SMAP2: variants seen among roughly 807,000 people sequenced by gnomAD.
SMAP2 encodes small ArfGAP2, also known as stromal membrane-associated protein 2.
SMAP2 carries 25 observed loss-of-function variants against 56.4 expected under a neutral mutation model. The observed-to-expected ratio is 0.44, with a 90% CI of 0.32 to 0.62. The LOEUF is 0.62. SMAP2 is among the 20% of genes least tolerant of loss of function. SMAP2 has a pLI of 0.04. For synonymous variants in SMAP2, 157 were observed against 181.7 expected (o/e 0.86, Z 1.09); for missense variants, 388 against 545.6 (o/e 0.71, Z 2.88).
chr1:40,381,663 G>A (rs1158210914), intron 1 of SMAP2, among the ~76,000 whole-genome samples: 3 of 152,132 alleles, frequency 2.0e-5, no homozygotes, highest in Non-Finnish European at 4.4e-5. Context: ...GAGCTCTGTG[G>A]TTGACTTGCT....
At chr1:40,400,569 G>A (rs1644822485) in intron 1 of SMAP2, among the ~76,000 whole-genome samples, 1 of 152,188 alleles carries the variant, frequency 6.6e-6, no homozygotes, top group Admixed American at 6.5e-5. Flanking sequence ...TGGTGATGTG[G>A]GGGCTGAAGG....
At chr1:40,358,024 A>G (rs1644444394) in intron 1 of SMAP2, among the ~76,000 whole-genome samples, 1 of 151,976 alleles carries the variant, frequency 6.6e-6, no homozygotes, top group Non-Finnish European at 1.5e-5. Context: ...TTTAGGCAAT[A>G]TGAATATTTT....
intron 1 of SMAP2, among the ~76,000 whole-genome samples, chr1:40,395,746 A>C (rs571707127): frequency 6.6e-6 from 1 of 152,184 alleles, no homozygotes; most frequent in East Asian, 1.9e-4. Flanking sequence ...AAGAAGGGCC[A>C]GTTAAATAAC....
At chr1:40,413,206 G>GC in intron 5 of SMAP2, 104 bp downstream of exon 5, 1 of 847,256 alleles carries the variant, frequency 1.2e-6, no homozygotes, top group Non-Finnish European at 2.0e-6. Flanking sequence ...CACCATCACA[G>GC]CTGGGGCTAA....
At chr1:40,420,714 C>T (rs1645033933) in intron 9 of SMAP2, among the ~76,000 whole-genome samples, 1 of 152,128 alleles carries the variant, frequency 6.6e-6, no homozygotes, top group Non-Finnish European at 1.5e-5. Flanking sequence ...CATGTGTCAC[C>T]TCCATAGAAT....
chr1:40,348,777 C>T (rs1391713714), intron 1 of SMAP2, among the ~76,000 whole-genome samples: 1 of 151,850 alleles, frequency 6.6e-6, no homozygotes, highest in East Asian at 1.9e-4. Context: ...TTCTTTCTTT[C>T]TTTCTTTCTT....
chr1:40,362,807 C>T (rs1302740999), intron 2 of SMAP2, among the ~76,000 whole-genome samples: 1 of 152,108 alleles, frequency 6.6e-6, no homozygotes, highest in Admixed American at 6.6e-5. Context: ...GCATTCAACA[C>T]AGGAAAAAGA....
chr1:40,353,476 C>A (rs1312788874), intron 1 of SMAP2, among the ~76,000 whole-genome samples: 1 of 152,194 alleles, frequency 6.6e-6, no homozygotes, highest in Non-Finnish European at 1.5e-5. Context: ...TCAAGTGATT[C>A]TCCTGCCTCA....
intron 1 of SMAP2, among the ~76,000 whole-genome samples, chr1:40,358,564 A>G (rs532262897): frequency 6.6e-6 from 1 of 152,184 alleles, no homozygotes; most frequent in African/African-American, 2.4e-5. Flanking sequence ...AAAACAAAAA[A>G]CACACACAAA....
intron 1 of SMAP2, among the ~76,000 whole-genome samples, chr1:40,380,908 C>T (rs768223447): frequency 1.8e-4 from 28 of 152,238 alleles, no homozygotes; most frequent in African/African-American, 2.4e-4. Context: ...AGTTGTTAAA[C>T]GCCTTTCTCT....
chr1:40,382,914 G>A lies in SMAP2; in HGVS notation c.103+8691G>A, dbSNP rs1569853317. Among the ~76,000 whole-genome samples the A allele has an allele frequency of 3.3e-5, 5 of 152,240 alleles. No homozygotes were observed. The East Asian group carries it at 9.6e-4, about 29-fold the overall frequency. ...TCTGTAAATGTTTTGTTTCATATTA[G>A]AAGAGACCTTTTCTAGGTTATCTGA... On this transcript the variant is annotated intron_variant, in intron 1 of 9. Coordinates refer to ENST00000372718, the MANE Select transcript of SMAP2 (RefSeq NM_022733.3).
At chr1:40,381,097 C>A (rs370090488) in intron 1 of SMAP2, among the ~76,000 whole-genome samples, 2 of 152,266 alleles carry the variant, frequency 1.3e-5, no homozygotes, top group South Asian at 4.1e-4. Context: ...TCTCCTTGCC[C>A]TTTAAATATC....
intron 1 of SMAP2, among the ~76,000 whole-genome samples, chr1:40,377,168 C>T (rs1198485869): frequency 6.6e-6 from 1 of 152,074 alleles, no homozygotes; most frequent in Non-Finnish European, 1.5e-5. Context: ...CATCTGTGGT[C>T]CCAGCTACTC....
chr1:40,415,151 C>A, intron 6 of SMAP2, 121 bp from the exon 7 acceptor site: 1 of 745,130 alleles, frequency 1.3e-6, no homozygotes, highest in South Asian at 1.7e-5. Context: ...CTAGATGGTT[C>A]CAGAAGTCTA....
At chr1:40,372,699 G>A (rs927452008), upstream of SMAP2, among the ~76,000 whole-genome samples, 1 of 152,226 alleles carries the variant, frequency 6.6e-6, no homozygotes, top group South Asian at 2.1e-4. Context: ...TAAAGAAATG[G>A]AGGAGAGGGT....
At chr1:40,391,537 G>A (rs1182632144) in intron 1 of SMAP2, among the ~76,000 whole-genome samples, 2 of 152,128 alleles carry the variant, frequency 1.3e-5, no homozygotes, top group Non-Finnish European at 2.9e-5. Flanking sequence ...GGAAGGCCCT[G>A]GGATTGTGAG....
rs752097215 is a variant in SMAP2 at position 40,409,836 on chromosome 1, G to T, written c.402+1G>T. Reference sequence around the variant, plus strand: ...AAGTCTGGACATCAATGCCTTTAGGGTTGGTTATACATCTTTCAAGTTTTG... The same window carrying T: ...AAGTCTGGACATCAATGCCTTTAGGTTTGGTTATACATCTTTCAAGTTTTG... On this transcript the variant is annotated splice_donor_variant, in intron 4 of 9. Coordinates refer to ENST00000372718, the MANE Select transcript of SMAP2 (RefSeq NM_022733.3). LOFTEE classifies it high-confidence loss of function. 8 of 1,599,478 alleles carry T rather than the reference G, an allele frequency of 5.0e-6. No homozygotes were observed. The highest frequency in any genetic ancestry group is 8.6e-7 in the Non-Finnish European group (1 of 1,166,724).
chr1:40,401,155 C>T (rs1644829846), intron 1 of SMAP2, among the ~76,000 whole-genome samples: 1 of 152,072 alleles, frequency 6.6e-6, no homozygotes, highest in African/African-American at 2.4e-5. Flanking sequence ...CTCAGCTACT[C>T]GGGAGGCTGA....
chr1:40,409,275 T>C lies in SMAP2; in HGVS notation c.324-482T>C, dbSNP rs111813488. On this transcript the variant is annotated intron_variant, in intron 3 of 9. Transcript: ENST00000372718. The stretch of plus-strand genomic sequence containing the variant: ...AAATGTAGTTTGTAGATCATCTTGT[T>C]AAGGTTCTTTTTTTTTTAATGGGTT... 4.8e-3 allele frequency among the ~76,000 whole-genome samples: 733 copies of C among 152,374 alleles called. 6 individuals are homozygous for C. Among genetic ancestry groups the C allele is most frequent in the Middle Eastern group, 0.031 (9 of 294 alleles).
Sources: allele counts gnomAD v4.1 joint callset (sites outside exome capture counted in the v4.1 genomes callset), GRCh38; gene constraint gnomAD v4.1.1; transcripts MANE v1.5; gene names NCBI Gene and HGNC (gene_info 2026-07-23, HGNC 2026-07-21).